Variants in NRG3 observed in about 807,000 individuals in gnomAD.
NRG3 encodes the protein neuregulin 3.
NRG3 carries 31 observed loss-of-function variants against 66.9 expected under a neutral mutation model. That is an observed-to-expected ratio of 0.46 (90% confidence interval 0.35 to 0.63). NRG3 has a LOEUF of 0.63. NRG3 is among the 20% of genes least tolerant of loss of function. The pLI, the probability that NRG3 is intolerant of heterozygous loss-of-function variation, is 0.00. For missense variants in NRG3, 910 were observed against 878.9 expected (o/e 1.04, Z -0.45); for synonymous variants, 393 against 359.4 (o/e 1.09, Z -1.06).
chr10:81,929,350 G>T (rs1194350115), intron 1 of NRG3, among the ~76,000 whole-genome samples: 1 of 152,120 alleles, frequency 6.6e-6, no homozygotes, highest in East Asian at 1.9e-4. Flanking sequence ...ATGTGCCTAA[G>T]AATTAAAACA....
chr10:82,198,545 C>T (rs2074572854), intron 1 of NRG3, among the ~76,000 whole-genome samples: 1 of 152,130 alleles, frequency 6.6e-6, no homozygotes, highest in Non-Finnish European at 1.5e-5. Context: ...TACAGTCACA[C>T]TTATCAACCT....
intron 3 of NRG3, among the ~76,000 whole-genome samples, chr10:82,831,116 T>C (rs968246720): frequency 6.6e-6 from 1 of 152,200 alleles, no homozygotes; most frequent in Non-Finnish European, 1.5e-5. Flanking sequence ...AACGTTGCTC[T>C]AAGACTTGAG....
intron 2 of NRG3, among the ~76,000 whole-genome samples, chr10:82,420,581 A>G (rs2088988148): frequency 6.6e-6 from 1 of 152,162 alleles, no homozygotes; most frequent in Non-Finnish European, 1.5e-5. Flanking sequence ...CAAATTATAT[A>G]AAATGGCAAA....
intron 6 of NRG3, among the ~76,000 whole-genome samples, chr10:82,970,042 T>C (rs1001738652): frequency 1.3e-5 from 2 of 152,228 alleles, no homozygotes; most frequent in African/African-American, 4.8e-5. Flanking sequence ...ACATTTCTAT[T>C]GTTTTGAGTT....
At chr10:82,335,295 C>G (rs2082333939) in intron 1 of NRG3, among the ~76,000 whole-genome samples, 2 of 152,110 alleles carry the variant, frequency 1.3e-5, no homozygotes, top group Admixed American at 1.3e-4. Flanking sequence ...CAGGATATAG[C>G]CAATGATGGC....
At chr10:82,251,947 T>C (rs375718058) in intron 1 of NRG3, among the ~76,000 whole-genome samples, 1 of 149,992 alleles carries the variant, frequency 6.7e-6, no homozygotes. Context: ...GGTGAGGGCA[T>C]TGCCCCTCCC....
At chr10:82,201,752 C>T (rs1195227937) in intron 1 of NRG3, among the ~76,000 whole-genome samples, 1 of 151,984 alleles carries the variant, frequency 6.6e-6, no homozygotes, top group Non-Finnish European at 1.5e-5. Flanking sequence ...CCATGTAACA[C>T]CCACCTTTCA....
chr10:82,594,215 G>A (rs1380673452), intron 2 of NRG3, among the ~76,000 whole-genome samples: 1 of 152,086 alleles, frequency 6.6e-6, no homozygotes, highest in Non-Finnish European at 1.5e-5. Flanking sequence ...ATGAATTTGG[G>A]TTCATAAGAA....
intron 2 of NRG3, among the ~76,000 whole-genome samples, chr10:82,377,671 G>A (rs1321040361): frequency 1.3e-5 from 2 of 152,142 alleles, no homozygotes; most frequent in African/African-American, 2.4e-5. Context: ...AGGAGACCAG[G>A]AAGGAGTCAG....
intron 1 of NRG3, among the ~76,000 whole-genome samples, chr10:82,102,581 T>A (rs1448953549): frequency 6.6e-6 from 1 of 151,802 alleles, no homozygotes; most frequent in Non-Finnish European, 1.5e-5. Flanking sequence ...ATTTTTATCA[T>A]GATATTTTAA....
At chr10:82,005,728 G>A (rs1256867222) in intron 1 of NRG3, among the ~76,000 whole-genome samples, 1 of 152,116 alleles carries the variant, frequency 6.6e-6, no homozygotes, top group South Asian at 2.1e-4. Context: ...ATGAATAAAT[G>A]CTCTGAGTGA....
chr10:82,973,064 C>T (rs1023699448), intron 6 of NRG3, among the ~76,000 whole-genome samples: 1 of 152,164 alleles, frequency 6.6e-6, no homozygotes, highest in African/African-American at 2.4e-5. Flanking sequence ...TACCTTTTGC[C>T]ACCTGTTCCA....
chr10:82,925,903 A>T (rs887574207), intron 4 of NRG3, among the ~76,000 whole-genome samples: 1 of 152,194 alleles, frequency 6.6e-6, no homozygotes, highest in Non-Finnish European at 1.5e-5. Context: ...TAATGCAACT[A>T]GCGATGGCAA....
At chr10:82,665,738 A>C (rs541718464) in intron 2 of NRG3, among the ~76,000 whole-genome samples, 1 of 152,100 alleles carries the variant, frequency 6.6e-6, no homozygotes, top group Non-Finnish European at 1.5e-5. Context: ...TGCGAAGAAC[A>C]TTTCTGAGTG....
At chr10:82,777,757 A>C (rs1009600151) in intron 3 of NRG3, among the ~76,000 whole-genome samples, 3 of 152,180 alleles carry the variant, frequency 2.0e-5, no homozygotes, top group African/African-American at 7.2e-5. Flanking sequence ...GGTACTGTGT[A>C]GTGGTGGCTC....
Position 82,749,189 on chromosome 10 carries a change from C to T in NRG3, c.1027+10539C>T, listed in dbSNP as rs142814000. Among the ~76,000 whole-genome samples the T allele has an allele frequency of 4.6e-3, 700 of 152,152 alleles. 4 individuals carry two copies. Among genetic ancestry groups the T allele is most frequent in the African/African-American group, 0.016 (645 of 41,530 alleles). Reference sequence around the variant, plus strand: ...TAGGGAAGGCTTTGCTGCAAGCCACCTTGCTGAGACATGCCCTGAGGTGGT... The same window carrying T: ...TAGGGAAGGCTTTGCTGCAAGCCACTTTGCTGAGACATGCCCTGAGGTGGT... On this transcript the variant is annotated intron_variant, in intron 3 of 8. Transcript: ENST00000372141.
intron 2 of NRG3, among the ~76,000 whole-genome samples, chr10:82,638,012 A>C (rs2133788364): frequency 6.6e-6 from 1 of 152,356 alleles, no homozygotes; most frequent in South Asian, 2.1e-4. Flanking sequence ...AAAAATTTGC[A>C]GGAAAAAACA....
chr10:82,605,134 A>ACATGTAAT (rs1341144297), intron 2 of NRG3, among the ~76,000 whole-genome samples: 3 of 152,070 alleles, frequency 2.0e-5, no homozygotes, highest in African/African-American at 4.8e-5. Flanking sequence ...TAGTGAGAAA[A>ACATGTAAT]CATGTAATTT....
At chr10:82,589,273 T>G (rs1258463877) in intron 2 of NRG3, among the ~76,000 whole-genome samples, 1 of 152,192 alleles carries the variant, frequency 6.6e-6, no homozygotes, top group Non-Finnish European at 1.5e-5. Context: ...CAGAACCTCT[T>G]TCTTTGGATG....
Sources: gnomAD v4.1 joint callset for allele counts (sites outside exome capture counted in the v4.1 genomes callset) on GRCh38, gnomAD v4.1.1 for gene constraint, MANE v1.5 for transcripts, NCBI Gene and HGNC (gene_info 2026-07-23, HGNC 2026-07-21) for gene names.